The following CORIN variants were observed in gnomAD, a reference collection of about 807,000 sequenced individuals.
CORIN encodes the protein corin, serine peptidase, also known as atrial natriuretic peptide-converting enzyme.
Under a neutral mutation model 125.3 loss-of-function variants are expected in CORIN, and 117 were observed. That is an observed-to-expected ratio of 0.93 (90% CI 0.80 to 1.09). CORIN has a LOEUF of 1.09. Ranked by LOEUF, CORIN falls within the 50% of genes least tolerant of loss-of-function variation. The probability of loss-of-function intolerance (pLI) is 0.00; values close to 1 mark genes in which losing one functional copy is unlikely to be tolerated. For missense variants in CORIN, 1,253 were observed against 1,306.7 expected (o/e 0.96, Z 0.63); for synonymous variants, 450 against 466.4 (o/e 0.96, Z 0.45).
At chr4:47,720,259 T>C (rs961460354) in intron 5 of CORIN, among the ~76,000 whole-genome samples, 2 of 152,220 alleles carry the variant, frequency 1.3e-5, no homozygotes, top group Non-Finnish European at 2.9e-5. Flanking sequence ...ACTACATGTT[T>C]TCTTCAATTA....
intron 2 of CORIN, among the ~76,000 whole-genome samples, chr4:47,803,671 A>G (rs1227871542): frequency 6.6e-6 from 1 of 152,264 alleles, no homozygotes; most frequent in Non-Finnish European, 1.5e-5. Context: ...GAATAAAACT[A>G]GACTGCTATC....
chr4:47,799,857 T>C (rs1315869560), intron 2 of CORIN, among the ~76,000 whole-genome samples: 1 of 152,210 alleles, frequency 6.6e-6, no homozygotes, highest in Non-Finnish European at 1.5e-5. Context: ...CCCAAATGTC[T>C]ATCAATTGAC....
intron 2 of CORIN, among the ~76,000 whole-genome samples, chr4:47,794,974 T>G (rs987701803): frequency 6.6e-6 from 1 of 152,182 alleles, no homozygotes. Context: ...TATGATGGTA[T>G]AAGATAAGGG....
chr4:47,740,941 A>G (rs1233525025), intron 5 of CORIN, among the ~76,000 whole-genome samples: 1 of 152,022 alleles, frequency 6.6e-6, no homozygotes, highest in Non-Finnish European at 1.5e-5. Context: ...CAACATACAG[A>G]AAAGTTAATT....
chr4:47,811,583 A>G (rs1681849994), intron 1 of CORIN, among the ~76,000 whole-genome samples: 2 of 152,152 alleles, frequency 1.3e-5, no homozygotes, highest in South Asian at 4.1e-4. Flanking sequence ...GTGAGTCCTC[A>G]TCTATCAGGG....
At position 47,645,144 on chromosome 4, in the gene CORIN, T is replaced by A. The variant is rs1241076500; in HGVS notation, c.1894A>T (p.Lys632Ter). ...AACCCATCGCAGATCACTGTGTGCT[T>A]CAAACATTGTTTATTGGATGGACAT... ...WECPSNKQCL[K>*]HTVICDGFPD... Residue 632 changes from lysine (K) to a stop codon, truncating the protein, a stop_gained, in exon 14 of 22, where the codon AAG (lysine) becomes TAG (stop). Coordinates refer to ENST00000273857, the MANE Select transcript of CORIN (RefSeq NM_006587.4). LOFTEE classifies it high-confidence loss of function. 6.2e-7 allele frequency: 1 copy of A among 1,613,054 alleles called. No homozygotes were observed. Among genetic ancestry groups the A allele is most frequent in the East Asian group, 2.2e-5 (1 of 44,852 alleles).
chr4:47,669,571 G>A (rs866786268), intron 10 of CORIN, among the ~76,000 whole-genome samples: 64 of 141,188 alleles, frequency 4.5e-4, no homozygotes, highest in African/African-American at 1.6e-3. Flanking sequence ...ATATATATAT[G>A]CTTTTTTTTT....
At chr4:47,711,060 A>C (rs2109777213) in intron 5 of CORIN, among the ~76,000 whole-genome samples, 1 of 152,306 alleles carries the variant, frequency 6.6e-6, no homozygotes, top group South Asian at 2.1e-4. Context: ...AATGTCAAGG[A>C]GGGTAGTGGG....
At chr4:47,632,719 A>AATAGATGATAG (rs1553905851) in intron 16 of CORIN, among the ~76,000 whole-genome samples, 9 of 120,860 alleles carry the variant, frequency 7.4e-5, no homozygotes, top group Non-Finnish European at 1.6e-4. Context: ...CCTAACTGAC[A>AATAGATGATAG]ATAGATGATA....
chr4:47,706,770 T>G, intron 5 of CORIN: 2 of 1,598,704 alleles, frequency 1.3e-6, no homozygotes, highest in Non-Finnish European at 1.7e-6. Context: ...TTTGAGGTTA[T>G]CCTCATTGAT....
At chr4:47,739,159 A>G (rs933592642) in intron 5 of CORIN, among the ~76,000 whole-genome samples, 28 of 152,072 alleles carry the variant, frequency 1.8e-4, no homozygotes, top group Admixed American at 1.8e-3. Context: ...AATAGCTGAA[A>G]ACTTCTCAAA....
At chr4:47,830,227 GT>G (rs1050095248) in intron 1 of CORIN, among the ~76,000 whole-genome samples, 7 of 147,742 alleles carry the variant, frequency 4.7e-5, no homozygotes, top group South Asian at 4.3e-4. Context: ...CATGGTGTTT[GT>G]TTTTTTTTTG....
intron 6 of CORIN, among the ~76,000 whole-genome samples, chr4:47,684,422 TAAAC>T (rs1725422929): frequency 6.6e-6 from 1 of 152,180 alleles, no homozygotes; most frequent in Non-Finnish European, 1.5e-5. Context: ...AATGTTGAAA[TAAAC>T]AACATCCAGG....
At chr4:47,596,385 A>G (rs886864439) in intron 21 of CORIN, among the ~76,000 whole-genome samples, 1 of 152,202 alleles carries the variant, frequency 6.6e-6, no homozygotes, top group Non-Finnish European at 1.5e-5. Flanking sequence ...ATTAAGCATA[A>G]CACAATTTGG....
At chr4:47,614,197 T>C (rs1165396087) in intron 19 of CORIN, among the ~76,000 whole-genome samples, 1 of 152,170 alleles carries the variant, frequency 6.6e-6, no homozygotes, top group Non-Finnish European at 1.5e-5. Context: ...TCTTTTTTTG[T>C]TGTTGTTGTT....
At chr4:47,743,809 C>G (rs1386895272) in intron 5 of CORIN, among the ~76,000 whole-genome samples, 3 of 151,724 alleles carry the variant, frequency 2.0e-5, no homozygotes, top group Admixed American at 6.6e-5. Flanking sequence ...TGCTCGAACC[C>G]GAAAGGCAGA....
chr4:47,782,482 A>C (rs1730601074), intron 3 of CORIN, among the ~76,000 whole-genome samples: 1 of 152,204 alleles, frequency 6.6e-6, no homozygotes, highest in Non-Finnish European at 1.5e-5. Context: ...TCAATAATGG[A>C]TAGAACAACT....
chr4:47,784,268 G>A (rs1577919988), intron 3 of CORIN, among the ~76,000 whole-genome samples: 1 of 152,160 alleles, frequency 6.6e-6, no homozygotes, highest in African/African-American at 2.4e-5. Flanking sequence ...AATAATTTTA[G>A]TTGATATTAA....
At chr4:47,607,143 C>T (rs986249202) in intron 19 of CORIN, among the ~76,000 whole-genome samples, 5 of 152,142 alleles carry the variant, frequency 3.3e-5, no homozygotes, top group Admixed American at 3.3e-4. Context: ...ACCCAGTAGT[C>T]TCTTGTTACA....
Sources: gnomAD v4.1 joint callset for allele counts (sites outside exome capture counted in the v4.1 genomes callset) on GRCh38, gnomAD v4.1.1 for gene constraint, MANE v1.5 for transcripts, NCBI Gene and HGNC (gene_info 2026-07-23, HGNC 2026-07-21) for gene names.